Variants in WDR70 observed in about 807,000 individuals in gnomAD.
WDR70 encodes the protein WD repeat-containing protein 70.
In WDR70, 53 loss-of-function variants were observed where a neutral mutation model predicts 88.6. The ratio of observed to expected loss-of-function variants is 0.60; its 90% CI spans 0.48 to 0.75. WDR70 has a LOEUF of 0.75. Among genes scored for constraint, WDR70 ranks in the 30% least tolerant of loss-of-function variants. The pLI is 0.00. For missense variants in WDR70, 610 were observed against 823.2 expected (o/e 0.74, Z 3.17); for synonymous variants, 280 against 270.0 (o/e 1.04, Z -0.36).
intron 9 of WDR70, among the ~76,000 whole-genome samples, chr5:37,523,127 G>T (rs992805729): frequency 6.6e-6 from 1 of 152,250 alleles, no homozygotes; most frequent in Non-Finnish European, 1.5e-5. Flanking sequence ...GCTTTGAAGA[G>T]AGTAGTGGTT....
At chr5:37,536,874 C>T (rs1273707811) in intron 9 of WDR70, among the ~76,000 whole-genome samples, 1 of 151,524 alleles carries the variant, frequency 6.6e-6, no homozygotes, top group African/African-American at 2.4e-5. Context: ...CTTTTAAATT[C>T]TTTTTGTAAT....
chr5:37,463,509 G>C (rs1447822997), intron 7 of WDR70, among the ~76,000 whole-genome samples: 1 of 152,038 alleles, frequency 6.6e-6, no homozygotes, highest in Non-Finnish European at 1.5e-5. Flanking sequence ...TACTTAAAAG[G>C]ATCCTCAATC....
chr5:37,559,718 A>G (rs1482217133), intron 9 of WDR70, among the ~76,000 whole-genome samples: 2 of 151,930 alleles, frequency 1.3e-5, no homozygotes, highest in Non-Finnish European at 2.9e-5. Flanking sequence ...GGTGGCACAC[A>G]CCTGTAATCC....
chr5:37,379,619 G>A, intron 2 of WDR70, 65 bp downstream of exon 2: 2 of 1,564,002 alleles, frequency 1.3e-6, no homozygotes, highest in East Asian at 2.2e-5. Context: ...CGCAGAGTGG[G>A]AGTGGAGATC....
intron 17 of WDR70, among the ~76,000 whole-genome samples, chr5:37,743,407 C>T (rs1305545824): frequency 6.6e-6 from 1 of 152,254 alleles, no homozygotes; most frequent in East Asian, 1.9e-4. Flanking sequence ...CTTAAGCCTA[C>T]CGAATTCCCA....
rs537532592 is a variant in WDR70 at position 37,384,599 on chromosome 5, G to GCAGTGAGC, written c.175+2916_175+2923dup. Among the ~76,000 whole-genome samples the GCAGTGAGC allele has an allele frequency of 7.4e-3, 1,038 of 140,058 alleles. 18 individuals are homozygous for GCAGTGAGC. Among genetic ancestry groups the GCAGTGAGC allele is most frequent in the African/African-American group, 0.026 (979 of 37,778 alleles). The allele number at this position is 140,058 out of a possible 152,430, so 91.9% of individuals were successfully genotyped here. The stretch of plus-strand genomic sequence containing the variant: ...GGCGTGAACCCTGGAGGCAGAGCTT[G>GCAGTGAGC]CAGTGAGCCGAGATCTTGCCACTGC... On this transcript the variant is annotated intron_variant, in intron 3 of 17. Transcript: ENST00000265107.
chr5:37,634,095 G>C (rs1050751925), intron 10 of WDR70, among the ~76,000 whole-genome samples: 6 of 151,668 alleles, frequency 4.0e-5, no homozygotes, highest in Non-Finnish European at 8.8e-5. Context: ...GTCAGGAGAT[G>C]GAGACCATCC....
chr5:37,475,869 G>A (rs1268891356), intron 7 of WDR70, among the ~76,000 whole-genome samples: 2 of 133,874 alleles, frequency 1.5e-5, no homozygotes, highest in African/African-American at 5.6e-5. Context: ...TTTGGAGATG[G>A]CATTTTGCTC....
intron 8 of WDR70, among the ~76,000 whole-genome samples, chr5:37,499,595 C>CTCTCTCTCTTTT (rs764121505): frequency 0.084 from 4,249 of 50,766 alleles, 167 homozygotes; most frequent in South Asian, 0.16. Flanking sequence ...TATTCTCTCT[C>CTCTCTCTCTTTT]TCTCTCTCTC....
chr5:37,502,519 G>C (rs1740434160), intron 8 of WDR70, among the ~76,000 whole-genome samples: 1 of 152,076 alleles, frequency 6.6e-6, no homozygotes. Context: ...CATTTTATCG[G>C]ATGTTTTTTA....
intron 10 of WDR70, among the ~76,000 whole-genome samples, chr5:37,696,683 A>G (rs1290759847): frequency 1.4e-5 from 2 of 142,352 alleles, no homozygotes; most frequent in Non-Finnish European, 3.1e-5. Flanking sequence ...ACGCGCGTGC[A>G]CACACACCTA....
At chr5:37,416,049 T>C (rs1464970468) in intron 5 of WDR70, among the ~76,000 whole-genome samples, 1 of 149,162 alleles carries the variant, frequency 6.7e-6, no homozygotes, top group Admixed American at 6.7e-5. Context: ...GCAGAGGGGC[T>C]CCTCACATCC....
intron 12 of WDR70, 60 bp downstream of exon 12, chr5:37,701,202 C>G: frequency 9.3e-7 from 1 of 1,077,206 alleles, no homozygotes; most frequent in African/African-American, 1.6e-5. Flanking sequence ...AGTACTTTTA[C>G]TTTAATGTTA....
At chr5:37,435,178 A>G (rs569409125) in intron 5 of WDR70, among the ~76,000 whole-genome samples, 290 of 152,326 alleles carry the variant, frequency 1.9e-3, no homozygotes, top group Non-Finnish European at 3.3e-3. Context: ...GAAATTGTCT[A>G]TATATAGGCA....
chr5:37,426,461 C>T (rs1056127977), intron 5 of WDR70, among the ~76,000 whole-genome samples: 2 of 152,142 alleles, frequency 1.3e-5, no homozygotes, highest in African/African-American at 4.8e-5. Flanking sequence ...TTTCTCATGA[C>T]TATAAGTTGA....
chr5:37,745,240 A>G (rs1394206266), intron 17 of WDR70, among the ~76,000 whole-genome samples: 1 of 152,120 alleles, frequency 6.6e-6, no homozygotes, highest in Non-Finnish European at 1.5e-5. Context: ...GGATTTTGTT[A>G]CCACGAGGCC....
chr5:37,502,882 C>T (rs1219320250), intron 8 of WDR70, among the ~76,000 whole-genome samples: 1 of 152,186 alleles, frequency 6.6e-6, no homozygotes, highest in Non-Finnish European at 1.5e-5. Flanking sequence ...ATCACAAAGA[C>T]AGCACTAATC....
At chr5:37,694,231 C>A (rs1169117991) in intron 10 of WDR70, among the ~76,000 whole-genome samples, 1 of 152,184 alleles carries the variant, frequency 6.6e-6, no homozygotes, top group Non-Finnish European at 1.5e-5. Context: ...GAAATAGGAA[C>A]ACTTTTGCAC....
At chr5:37,402,943 C>CTTTTTTTTT (rs1561838923) in intron 5 of WDR70, among the ~76,000 whole-genome samples, 9 of 41,712 alleles carry the variant, frequency 2.2e-4, no homozygotes, top group African/African-American at 6.6e-4. Context: ...TCCCTCCCTC[C>CTTTTTTTTT]GTTTTTTTTT....
Sources: allele counts gnomAD v4.1 joint callset (sites outside exome capture counted in the v4.1 genomes callset), GRCh38; gene constraint gnomAD v4.1.1; transcripts MANE v1.5; gene names NCBI Gene and HGNC (gene_info 2026-07-23, HGNC 2026-07-21).